NKAIN2: variants seen among roughly 807,000 people sequenced by gnomAD.
NKAIN2 encodes sodium/potassium-transporting ATPase subunit beta-1-interacting protein 2.
Under a neutral mutation model 32.6 loss-of-function variants are expected in NKAIN2, and 14 were observed. The ratio of observed to expected loss-of-function variants is 0.43; its 90% CI spans 0.28 to 0.67. The LOEUF (loss-of-function observed/expected upper bound fraction) is 0.67. Ranked by LOEUF, NKAIN2 falls within the 30% of genes least tolerant of loss-of-function variation. The pLI, the probability that NKAIN2 is intolerant of heterozygous loss-of-function variation, is 0.17. For missense variants in NKAIN2, 198 were observed against 258.3 expected, an observed-to-expected ratio of 0.77 and a Z score of 1.60; for synonymous variants, 80 against 87.2, an observed-to-expected ratio of 0.92 and a Z score of 0.46.
intron 1 of NKAIN2, among the ~76,000 whole-genome samples, chr6:123,877,358 G>A (rs1406457254): frequency 6.6e-6 from 1 of 151,852 alleles, no homozygotes; most frequent in Non-Finnish European, 1.5e-5. Context: ...GTATTATTGG[G>A]GTATTCCTTA....
chr6:123,979,270 A>C (rs1778784926), intron 1 of NKAIN2, among the ~76,000 whole-genome samples: 1 of 152,126 alleles, frequency 6.6e-6, no homozygotes. Flanking sequence ...AATAATTTTA[A>C]ATTTTGTTTT....
At chr6:123,974,964 A>G (rs1247448650) in intron 1 of NKAIN2, among the ~76,000 whole-genome samples, 1 of 152,186 alleles carries the variant, frequency 6.6e-6, no homozygotes, top group Non-Finnish European at 1.5e-5. Flanking sequence ...CTCTGCAGCT[A>G]TCCATCATTA....
intron 3 of NKAIN2, among the ~76,000 whole-genome samples, chr6:124,447,609 G>A (rs756214581): frequency 3.9e-5 from 6 of 152,074 alleles, no homozygotes; most frequent in South Asian, 4.1e-4. Context: ...GTGATTGAAC[G>A]GCACTTTCTT....
chr6:124,341,295 T>C (rs968901249), intron 2 of NKAIN2, among the ~76,000 whole-genome samples: 8 of 152,110 alleles, frequency 5.3e-5, no homozygotes, highest in Non-Finnish European at 8.8e-5. Flanking sequence ...ACATATGTTA[T>C]AGAATACTTA....
chr6:124,527,827 G>C (rs897624064), intron 3 of NKAIN2, among the ~76,000 whole-genome samples: 4 of 152,132 alleles, frequency 2.6e-5, no homozygotes, highest in African/African-American at 4.8e-5. Context: ...AGGATAAGTG[G>C]AGGTTGCATA....
intron 4 of NKAIN2, among the ~76,000 whole-genome samples, chr6:124,727,197 A>T (rs1446782638): frequency 1.3e-5 from 2 of 151,048 alleles, no homozygotes; most frequent in Non-Finnish European, 3.0e-5. Flanking sequence ...GATTCAGGAA[A>T]TACAGAGAAC....
At chr6:124,541,929 C>A (rs1049438000) in intron 3 of NKAIN2, among the ~76,000 whole-genome samples, 1 of 152,082 alleles carries the variant, frequency 6.6e-6, no homozygotes. Context: ...ATAAATACTT[C>A]ATAATATATA....
chr6:123,892,485 C>CTCATGAGACTG (rs71021469), intron 1 of NKAIN2, among the ~76,000 whole-genome samples: 1 of 149,436 alleles, frequency 6.7e-6, no homozygotes, highest in East Asian at 2.0e-4. Context: ...TCATGAGACT[C>CTCATGAGACTG]GCTATCATGA....
chr6:123,880,793 A>C (rs1429843498), intron 1 of NKAIN2, among the ~76,000 whole-genome samples: 1 of 152,202 alleles, frequency 6.6e-6, no homozygotes, highest in Non-Finnish European at 1.5e-5. Flanking sequence ...ATAACCATAA[A>C]AAATAAAGGT....
At chr6:124,208,268 C>T (rs1447774770) in intron 1 of NKAIN2, among the ~76,000 whole-genome samples, 1 of 151,678 alleles carries the variant, frequency 6.6e-6, no homozygotes, top group East Asian at 1.9e-4. Flanking sequence ...TGTGTGGGTC[C>T]AAGATTTAGT....
At chr6:124,508,362 T>C (rs1191915990) in intron 3 of NKAIN2, among the ~76,000 whole-genome samples, 3 of 152,038 alleles carry the variant, frequency 2.0e-5, no homozygotes. Context: ...TTTTCTTTTT[T>C]GAGATGGAGT....
chr6:124,120,503 T>C (rs1413161967), intron 1 of NKAIN2, among the ~76,000 whole-genome samples: 2 of 152,124 alleles, frequency 1.3e-5, no homozygotes, highest in African/African-American at 4.8e-5. Context: ...GTAAAGTGGA[T>C]TGTCTTATCC....
rs564362510 is a variant in NKAIN2 at position 124,326,866 on chromosome 6, TC to T, written c.193-28397del. On this transcript the variant is annotated intron_variant, in intron 2 of 6. Coordinates refer to ENST00000368417, the MANE Select transcript of NKAIN2 (RefSeq NM_001040214.3). ...AGGTAACCATAGCAGTGTTCATCTT[TC>T]CCCATTCTTCCCTCTCCCAGCTCCC... is the stretch of plus-strand genomic sequence containing the variant. Among the ~76,000 whole-genome samples the T allele has an allele frequency of 3.5e-4, 54 of 152,266 alleles. 1 individual carries two copies. The highest frequency in any genetic ancestry group is 1.3e-3 in the African/African-American group (54 of 41,556).
intron 1 of NKAIN2, among the ~76,000 whole-genome samples, chr6:124,156,342 C>G (rs1394662660): frequency 6.6e-6 from 1 of 152,108 alleles, no homozygotes; most frequent in Non-Finnish European, 1.5e-5. Flanking sequence ...TTATTGAGCA[C>G]CTTCCCTAGA....
At chr6:123,904,602 G>A (rs910932904) in intron 1 of NKAIN2, among the ~76,000 whole-genome samples, 1 of 152,304 alleles carries the variant, frequency 6.6e-6, no homozygotes. Flanking sequence ...TTCTCCAAAA[G>A]TGTTATACAT....
At chr6:123,936,779 A>G (rs547466636) in intron 1 of NKAIN2, among the ~76,000 whole-genome samples, 9 of 152,242 alleles carry the variant, frequency 5.9e-5, no homozygotes, top group African/African-American at 2.2e-4. Flanking sequence ...AATTTATGGA[A>G]CTATCATCCA....
At chr6:124,207,241 A>C (rs1010720886) in intron 1 of NKAIN2, among the ~76,000 whole-genome samples, 13 of 151,492 alleles carry the variant, frequency 8.6e-5, no homozygotes, top group African/African-American at 2.9e-4. Flanking sequence ...ACAGTGAAAC[A>C]TGTTCATACC....
chr6:124,581,445 C>CAAAAAAAAAAAAAAAAAAAAAAAA (rs57280967), intron 3 of NKAIN2, among the ~76,000 whole-genome samples: 1 of 81,426 alleles, frequency 1.2e-5, no homozygotes, highest in African/African-American at 4.9e-5. Context: ...GACTCCGTCT[C>CAAAAAAAAAAAAAAAAAAAAAAAA]AAAAAAAAAA....
chr6:124,133,903 G>T (rs569415795), intron 1 of NKAIN2, among the ~76,000 whole-genome samples: 1 of 151,978 alleles, frequency 6.6e-6, no homozygotes, highest in Admixed American at 6.6e-5. Flanking sequence ...TTCAAGAACA[G>T]TTTGAAGAAA....
Sources: gnomAD v4.1 joint callset for allele counts (sites outside exome capture counted in the v4.1 genomes callset) on GRCh38, gnomAD v4.1.1 for gene constraint, MANE v1.5 for transcripts, NCBI Gene and HGNC (gene_info 2026-07-23, HGNC 2026-07-21) for gene names.